RBL1: variants seen among roughly 807,000 people sequenced by gnomAD.
RBL1 encodes the protein RB transcriptional corepressor like 1, also known as retinoblastoma-like protein 1.
Under a neutral mutation model 123.0 loss-of-function variants are expected in RBL1, and 82 were observed. That is an observed-to-expected ratio of 0.67 (90% CI 0.56 to 0.80). The LOEUF is 0.80. Among genes scored for constraint, RBL1 ranks in the 30% least tolerant of loss-of-function variants. The probability of loss-of-function intolerance (pLI) is 0.00; values close to 1 mark genes in which losing one functional copy is unlikely to be tolerated. For missense variants in RBL1, 1,171 were observed against 1,299.6 expected, an observed-to-expected ratio of 0.90 and a Z score of 1.52; for synonymous variants, 405 against 441.3, an observed-to-expected ratio of 0.92 and a Z score of 1.03.
At chr20:37,011,553 G>C (rs2064148100) in intron 19 of RBL1, among the ~76,000 whole-genome samples, 1 of 150,822 alleles carries the variant, frequency 6.6e-6, no homozygotes. Context: ...TCTTGCCTCA[G>C]CCTCCGAAGT....
chr20:37,056,121 G>A, intron 10 of RBL1, 25 bp downstream of exon 10: 1 of 1,592,818 alleles, frequency 6.3e-7, no homozygotes, highest in Non-Finnish European at 8.5e-7. Flanking sequence ...TCAATGCTAT[G>A]CCAACTGTAG....
chr20:37,060,754 G>A (rs2065080767), intron 9 of RBL1, among the ~76,000 whole-genome samples: 1 of 151,730 alleles, frequency 6.6e-6, no homozygotes, highest in Admixed American at 6.6e-5. Flanking sequence ...CTGCACTCCA[G>A]CCTGGGAGAC....
chr20:37,078,860 T>C (rs1432397177), intron 2 of RBL1, among the ~76,000 whole-genome samples: 1 of 150,420 alleles, frequency 6.6e-6, no homozygotes, highest in Non-Finnish European at 1.5e-5. Flanking sequence ...AATGATCTGA[T>C]TAGTCAAGAT....
chr20:37,030,076 GA>G (rs2064482412), intron 16 of RBL1, among the ~76,000 whole-genome samples: 2 of 152,250 alleles, frequency 1.3e-5, no homozygotes, highest in South Asian at 4.1e-4. Flanking sequence ...TGCAGAAAGA[GA>G]AAAATCCATC....
At chr20:37,057,602 A>AC (rs1416490537) in intron 9 of RBL1, among the ~76,000 whole-genome samples, 89 of 152,224 alleles carry the variant, frequency 5.8e-4, no homozygotes, top group African/African-American at 1.6e-3. Context: ...CTGAGTATGA[A>AC]CCCCTTAACT....
intron 2 of RBL1, among the ~76,000 whole-genome samples, chr20:37,069,765 G>A (rs1333200074): frequency 1.3e-5 from 2 of 151,272 alleles, no homozygotes; most frequent in African/African-American, 4.9e-5. Context: ...TCAGCCCCCC[G>A]CCAGGCCAGC....
At chr20:37,020,277 C>T (rs2064320469) in intron 18 of RBL1, among the ~76,000 whole-genome samples, 1 of 151,880 alleles carries the variant, frequency 6.6e-6, no homozygotes, top group Admixed American at 6.6e-5. Flanking sequence ...TTAGTAGAGA[C>T]AGGGTTTTAC....
Position 37,007,294 on chromosome 20 carries a change from A to T in RBL1, c.2871+117T>A, listed in dbSNP as rs111894900. 2.8e-3 allele frequency: 2,977 copies of T among 1,062,320 alleles called. 76 individuals carry two copies. The African/African-American group carries it at 0.044, about 16-fold the overall frequency. 65.8% of individuals were successfully genotyped at this position (1,062,320 alleles called of 1,614,324 possible). A position where few individuals can be genotyped will look rare whatever the true frequency, so the allele number is the denominator to read the frequency against. On this transcript the variant is annotated intron_variant, in intron 20 of 21. Coordinates refer to ENST00000373664, the MANE Select transcript of RBL1 (RefSeq NM_002895.5). ...CCTTAATCACTGATTAAGTTACTGGACATGCTCTGATTAATTGCTAGTAAT... is the reference window on the plus strand; with the variant it reads ...CCTTAATCACTGATTAAGTTACTGGTCATGCTCTGATTAATTGCTAGTAAT...
At position 37,047,165 on chromosome 20, in the gene RBL1, T is replaced by A. The variant is rs1386809589; in HGVS notation, c.1493A>T (p.His498Leu). ...MSVLLEQDIF[H>L]RSLMACCLEI... ...CAAACAACAAGCCATCAAGGAACGA[T>A]GAAATATATCTTGCTCTAAAAGAAC... Residue 498 changes from histidine to leucine, a missense_variant, in exon 12 of 22, where the codon CAT (histidine) becomes CTT (leucine). By Grantham distance (99) the His-to-Leu change is moderately conservative. Transcript: ENST00000373664. The A allele has an allele frequency of 6.2e-7, 1 of 1,602,970 alleles. No homozygotes were observed. The highest frequency in any genetic ancestry group is 1.3e-5 in the African/African-American group (1 of 74,228).
At chr20:37,084,153 G>A (rs2065503060) in intron 2 of RBL1, among the ~76,000 whole-genome samples, 1 of 151,884 alleles carries the variant, frequency 6.6e-6, no homozygotes, top group Non-Finnish European at 1.5e-5. Context: ...GCCCGCCTTG[G>A]CCTCCCAAAG....
At chr20:37,017,620 T>TTGTGTGTGTGTGTGTGTGTGTGTG (rs147347259) in intron 19 of RBL1, among the ~76,000 whole-genome samples, 131 of 139,804 alleles carry the variant, frequency 9.4e-4, no homozygotes, top group African/African-American at 1.9e-3. Flanking sequence ...GGACATTTTC[T>TTGTGTGTGTGTGTGTGTGTGTGTG]TGTGTGTGTG....
intron 15 of RBL1, among the ~76,000 whole-genome samples, chr20:37,034,081 G>A (rs1387107445): frequency 1.3e-5 from 2 of 151,862 alleles, no homozygotes; most frequent in Non-Finnish European, 2.9e-5. Context: ...TGGGACCATA[G>A]GCATACATCA....
chr20:37,084,429 A>T (rs1033432730), intron 2 of RBL1, among the ~76,000 whole-genome samples: 7 of 152,178 alleles, frequency 4.6e-5, no homozygotes, highest in African/African-American at 1.7e-4. Flanking sequence ...ATATGGAAGA[A>T]TTTCCAAAAT....
chr20:37,074,537 C>T (rs1192049439), intron 2 of RBL1, among the ~76,000 whole-genome samples: 2 of 151,882 alleles, frequency 1.3e-5, no homozygotes, highest in Non-Finnish European at 2.9e-5. Context: ...ACTGGGATGG[C>T]TACAATAAAA....
intron 2 of RBL1, among the ~76,000 whole-genome samples, chr20:37,084,613 G>A (rs557014158): frequency 6.6e-5 from 10 of 152,174 alleles, no homozygotes; most frequent in South Asian, 2.1e-4. Context: ...GTGAGGGATC[G>A]CTTGAGCCTG....
rs183482797 is a variant in RBL1, at chr20:37,028,391, G to T, written c.2382+4274C>A. ...AATAAATAAATAAATAATGGCTTGG[G>T]TGGTGACTCACACAGTAATCCCAGT... On this transcript the variant is annotated intron_variant, in intron 16 of 21. Coordinates refer to ENST00000373664, the MANE Select transcript of RBL1 (RefSeq NM_002895.5). Among the ~76,000 whole-genome samples the T allele has an allele frequency of 7.2e-5, 11 of 151,978 alleles. No homozygotes were observed. In the East Asian group the frequency reaches 2.1e-3, roughly 29 times the overall value.
rs1319192152 is a variant in RBL1, at chr20:37,018,861, CT to C, written c.2632-493del. Among the ~76,000 whole-genome samples, 5 of 144,980 alleles carry C rather than the reference CT, an allele frequency of 3.4e-5. No individual in the cohort carries two copies. In the East Asian group the frequency reaches 1.0e-3, roughly 29 times the overall value. The stretch of plus-strand genomic sequence containing the variant: ...AGCTACTAGGGAGGCTGAGGCAGAA[CT>C]GCTTGAACTCAGTGGGTGGAGGTTG... On this transcript the variant is annotated intron_variant, in intron 18 of 21. Coordinates refer to ENST00000373664, the MANE Select transcript of RBL1 (RefSeq NM_002895.5).
intron 13 of RBL1, among the ~76,000 whole-genome samples, chr20:37,042,511 A>C (rs567820110): frequency 6.6e-6 from 1 of 152,192 alleles, no homozygotes; most frequent in Non-Finnish European, 1.5e-5. Context: ...CAGAGTTACC[A>C]TATGAACCTG....
At chr20:37,062,063 G>A (rs766041804) in intron 8 of RBL1, 21 bp downstream of exon 8, 1 of 1,593,096 alleles carries the variant, frequency 6.3e-7, no homozygotes, top group East Asian at 2.3e-5. Context: ...TCAAGATTGA[G>A]GCCAGGCTAG....
Sources: allele counts gnomAD v4.1 joint callset (sites outside exome capture counted in the v4.1 genomes callset), GRCh38; gene constraint gnomAD v4.1.1; transcripts MANE v1.5; gene names NCBI Gene and HGNC (gene_info 2026-07-23, HGNC 2026-07-21).